Variants in ZBTB20 observed in about 807,000 individuals in gnomAD.
ZBTB20 encodes zinc finger and BTB domain containing 20, also known as zinc finger and BTB domain-containing protein 20.
Under a neutral mutation model 56.9 loss-of-function variants are expected in ZBTB20, and 9 were observed. The ratio of observed to expected loss-of-function variants is 0.16; its 90% CI spans 0.10 to 0.28. The LOEUF (loss-of-function observed/expected upper bound fraction) is 0.28, where lower values mean the gene tolerates loss of function less well. Among genes scored for constraint, ZBTB20 ranks in the 10% least tolerant of loss-of-function variants. The probability of loss-of-function intolerance (pLI) is 1.00; values close to 1 mark genes in which losing one functional copy is unlikely to be tolerated. For missense variants in ZBTB20, 655 were observed against 1,003.0 expected, an observed-to-expected ratio of 0.65 and a Z score of 4.69; for synonymous variants, 417 against 420.7, an observed-to-expected ratio of 0.99 and a Z score of 0.11.
At chr3:114,434,828 G>C (rs2090402560) in intron 7 of ZBTB20, among the ~76,000 whole-genome samples, 1 of 152,080 alleles carries the variant, frequency 6.6e-6, no homozygotes. Flanking sequence ...CCGAGATTCA[G>C]GCGCATGGAA....
intron 7 of ZBTB20, among the ~76,000 whole-genome samples, chr3:114,392,510 A>G (rs1342229523): frequency 1.3e-5 from 2 of 152,204 alleles, no homozygotes; most frequent in African/African-American, 4.8e-5. Context: ...CATGCTTTGG[A>G]AAAGCTGTGT....
chr3:115,051,849 G>A (rs1326084300), intron 2 of ZBTB20, among the ~76,000 whole-genome samples: 1 of 152,084 alleles, frequency 6.6e-6, no homozygotes, highest in Admixed American at 6.6e-5. Context: ...CATGCCTGGG[G>A]GGCCTCAGAA....
rs531344919 is a variant in ZBTB20 at position 115,041,013 on chromosome 3, T to C, written c.-507+30206A>G. On this transcript the variant is annotated intron_variant, in intron 2 of 11. Coordinates refer to ENST00000675478, the MANE Select transcript of ZBTB20 (RefSeq NM_001348800.3). ...ATTTAGACTGATTGGCATGAAGTAATAGACTACTGTAAGGGGAACACGCAT... is the reference window on the plus strand; with the variant it reads ...ATTTAGACTGATTGGCATGAAGTAACAGACTACTGTAAGGGGAACACGCAT... Among the ~76,000 whole-genome samples, 6 of 152,282 alleles carry C rather than the reference T, an allele frequency of 3.9e-5. No homozygotes were observed. In the East Asian group the frequency reaches 9.6e-4, roughly 24 times the overall value.
intron 6 of ZBTB20, among the ~76,000 whole-genome samples, chr3:114,539,438 AT>A (rs1467471503): frequency 2.6e-5 from 4 of 152,128 alleles, no homozygotes; most frequent in Non-Finnish European, 5.9e-5. Flanking sequence ...GTGCTTCCAC[AT>A]ACACAGCTCT....
intron 6 of ZBTB20, among the ~76,000 whole-genome samples, chr3:114,521,524 C>T (rs780472487): frequency 2.6e-5 from 4 of 152,096 alleles, no homozygotes; most frequent in Non-Finnish European, 4.4e-5. Context: ...CACTTCATAA[C>T]GTTTTTCACA....
At chr3:114,998,275 A>AT (rs1271004463) in intron 2 of ZBTB20, among the ~76,000 whole-genome samples, 1 of 151,726 alleles carries the variant, frequency 6.6e-6, no homozygotes, top group Non-Finnish European at 1.5e-5. Context: ...GCATGCACTC[A>AT]TTTTTTGTAC....
intron 5 of ZBTB20, among the ~76,000 whole-genome samples, chr3:114,760,261 T>C (rs2068339888): frequency 6.6e-6 from 1 of 152,170 alleles, no homozygotes; most frequent in Non-Finnish European, 1.5e-5. Flanking sequence ...CTGAATAATA[T>C]TGGAGATAAG....
At chr3:114,882,095 T>C (rs1015872801) in intron 4 of ZBTB20, among the ~76,000 whole-genome samples, 1 of 151,878 alleles carries the variant, frequency 6.6e-6, no homozygotes, top group Non-Finnish European at 1.5e-5. Context: ...AAAGAGGCTA[T>C]ACAAACCAAT....
intron 6 of ZBTB20, among the ~76,000 whole-genome samples, chr3:114,569,679 A>G (rs1234088824): frequency 3.3e-5 from 5 of 152,142 alleles, no homozygotes; most frequent in South Asian, 2.1e-4. Flanking sequence ...ACCTGCATAC[A>G]CTACTTTTGA....
chr3:114,368,107 C>T (rs2082615102), intron 10 of ZBTB20, among the ~76,000 whole-genome samples: 1 of 152,300 alleles, frequency 6.6e-6, no homozygotes, highest in Admixed American at 6.5e-5. Context: ...TCTGGTGCTG[C>T]TTTAAGGGCT....
At chr3:114,528,575 T>C (rs1422383004) in intron 6 of ZBTB20, 1 of 152,202 alleles carries the variant, frequency 6.6e-6, no homozygotes, top group Non-Finnish European at 1.5e-5. Context: ...TAAAATATCA[T>C]GGTTATTTCT....
intron 1 of ZBTB20, among the ~76,000 whole-genome samples, chr3:115,118,244 G>A (rs995847484): frequency 4.6e-5 from 7 of 151,976 alleles, no homozygotes; most frequent in Admixed American, 4.6e-4. Flanking sequence ...GCCCAGGCTA[G>A]AGTGCAGTTG....
chr3:114,979,210 T>C (rs2078232407), intron 2 of ZBTB20, among the ~76,000 whole-genome samples: 3 of 152,028 alleles, frequency 2.0e-5, no homozygotes, highest in Admixed American at 6.6e-5. Context: ...GGAGGTTACA[T>C]TTATACTGTG....
intron 1 of ZBTB20, among the ~76,000 whole-genome samples, chr3:115,130,152 CAA>C (rs933919631): frequency 1.3e-5 from 2 of 152,080 alleles, no homozygotes; most frequent in Admixed American, 1.3e-4. Context: ...TCCTGAGATA[CAA>C]AAGTCAAGTG....
intron 7 of ZBTB20, among the ~76,000 whole-genome samples, chr3:114,395,484 A>G (rs2086255233): frequency 6.6e-6 from 1 of 152,168 alleles, no homozygotes; most frequent in Admixed American, 6.5e-5. Context: ...TAAGTAGCTC[A>G]TCAACCTGTT....
chr3:115,090,447 T>TA (rs2083147381), intron 1 of ZBTB20, among the ~76,000 whole-genome samples: 1 of 151,782 alleles, frequency 6.6e-6, no homozygotes. Context: ...GTAAAAATTT[T>TA]ATCTAAAGAA....
chr3:114,858,525 C>CGTGT lies in ZBTB20; in HGVS notation c.-417+41775_-417+41778dup, dbSNP rs145263695. ...TGCAGTTTCTACTTGTGCGTGTATT[C>CGTGT]GTGTGTGTGTGTGTGTGTGTGTGTG... On this transcript the variant is annotated intron_variant, in intron 4 of 11. Transcript: ENST00000675478. 1.1e-3 allele frequency among the ~76,000 whole-genome samples: 165 copies of CGTGT among 146,968 alleles called. 1 individual carries two copies. Among genetic ancestry groups the CGTGT allele is most frequent in the African/African-American group, 1.8e-3 (74 of 40,150 alleles).
chr3:115,007,488 C>G (rs2079524192), intron 2 of ZBTB20, among the ~76,000 whole-genome samples: 1 of 151,792 alleles, frequency 6.6e-6, no homozygotes, highest in Non-Finnish European at 1.5e-5. Flanking sequence ...AACAATCGCT[C>G]TGTGTTCTAT....
chr3:114,408,823 G>A (rs1429681676), intron 7 of ZBTB20, among the ~76,000 whole-genome samples: 3 of 150,782 alleles, frequency 2.0e-5, no homozygotes, highest in African/African-American at 7.3e-5. Flanking sequence ...AGAAGACAAA[G>A]CCTCAGAGTT....
Sources: gnomAD v4.1 joint callset for allele counts (sites outside exome capture counted in the v4.1 genomes callset) on GRCh38, gnomAD v4.1.1 for gene constraint, MANE v1.5 for transcripts, NCBI Gene and HGNC (gene_info 2026-07-23, HGNC 2026-07-21) for gene names.